The following CYP19A1 variants were observed in gnomAD, a reference collection of about 807,000 sequenced individuals.
The protein encoded by CYP19A1 is aromatase.
Under a neutral mutation model 44.4 loss-of-function variants are expected in CYP19A1, and 32 were observed. The observed-to-expected ratio is 0.72, with a 90% CI of 0.54 to 0.97. The LOEUF is 0.97. Ranked by LOEUF, CYP19A1 falls within the 50% of genes least tolerant of loss-of-function variation. The pLI is 0.00. For missense variants in CYP19A1, 598 were observed against 637.8 expected (o/e 0.94, Z 0.67); for synonymous variants, 212 against 215.6 (o/e 0.98, Z 0.14).
intron 1 of CYP19A1, among the ~76,000 whole-genome samples, chr15:51,245,783 C>T (rs966350699): frequency 2.0e-5 from 3 of 152,344 alleles, no homozygotes; most frequent in East Asian, 1.9e-4. Context: ...TTCATCTTCA[C>T]GACAAGCCTG....
In CYP19A1 at chr15:51,223,983, A is replaced by G. The variant is rs573297145; in HGVS notation, c.452-1458T>C. ...AATTTATGGGCAAAAATGTAATAAC[A>G]TGGCTTATAGGCAGTGGTATGATGT... On this transcript the variant is annotated intron_variant, in intron 4 of 9. Coordinates refer to ENST00000396402, the MANE Select transcript of CYP19A1 (RefSeq NM_000103.4). Among the ~76,000 whole-genome samples the G allele has an allele frequency of 7.2e-5, 11 of 151,964 alleles. No individual in the cohort carries two copies. In the South Asian group the frequency reaches 1.9e-3, roughly 26 times the overall value.
chr15:51,323,212 T>C, intron 1 of CYP19A1, among the ~76,000 whole-genome samples: 1 of 152,142 alleles, frequency 6.6e-6, no homozygotes, highest in East Asian at 1.9e-4. Flanking sequence ...TGGCCCACAA[T>C]TGCTCACCAT....
At chr15:51,222,087 C>A (rs2032135002) in intron 5 of CYP19A1, 1 of 606,968 alleles carries the variant, frequency 1.6e-6, no homozygotes, top group East Asian at 2.8e-5. Flanking sequence ...TGTTAAGTTT[C>A]AACTGTGGGT....
chr15:51,311,219 G>A (rs759525733), intron 1 of CYP19A1, among the ~76,000 whole-genome samples: 16 of 151,256 alleles, frequency 1.1e-4, no homozygotes, highest in Admixed American at 2.6e-4. Context: ...GTGACATAAA[G>A]GTGAATGCTC....
intron 1 of CYP19A1, among the ~76,000 whole-genome samples, chr15:51,275,726 T>C (rs968437196): frequency 6.6e-5 from 10 of 152,198 alleles, no homozygotes; most frequent in African/African-American, 2.2e-4. Context: ...AAGACTAAAT[T>C]ATCCCAAGTA....
chr15:51,307,441 G>C (rs1326153602), intron 1 of CYP19A1, among the ~76,000 whole-genome samples: 2 of 152,162 alleles, frequency 1.3e-5, no homozygotes, highest in Non-Finnish European at 2.9e-5. Context: ...TATAATTTTA[G>C]TGTGCTTACT....
chr15:51,246,482 T>C (rs2034060662), intron 1 of CYP19A1, among the ~76,000 whole-genome samples: 1 of 152,188 alleles, frequency 6.6e-6, no homozygotes, highest in Non-Finnish European at 1.5e-5. Flanking sequence ...CTGTGCTACG[T>C]GGAGCCTACT....
intron 1 of CYP19A1, among the ~76,000 whole-genome samples, chr15:51,246,689 C>T (rs926216924): frequency 2.6e-5 from 4 of 152,166 alleles, no homozygotes; most frequent in Admixed American, 6.5e-5. Flanking sequence ...ACAGCTATAG[C>T]CCTAACCCTA....
At chr15:51,297,651 G>C (rs1205478638) in intron 1 of CYP19A1, among the ~76,000 whole-genome samples, 1 of 151,892 alleles carries the variant, frequency 6.6e-6, no homozygotes, top group Non-Finnish European at 1.5e-5. Context: ...TCCCTCCCCT[G>C]TCTCCCTCCC....
At chr15:51,300,463 G>A (rs542803242) in intron 1 of CYP19A1, among the ~76,000 whole-genome samples, 1 of 152,226 alleles carries the variant, frequency 6.6e-6, no homozygotes, top group Admixed American at 6.5e-5. Context: ...AGATGATTGG[G>A]TGTGATAGAG....
intron 4 of CYP19A1, among the ~76,000 whole-genome samples, chr15:51,222,990 A>G (rs2032242288): frequency 6.6e-6 from 1 of 152,130 alleles, no homozygotes; most frequent in Admixed American, 6.6e-5. Flanking sequence ...ATTGGATCCT[A>G]TTTGATCTAA....
rs761906497 is a variant in CYP19A1, at chr15:51,227,866, G to A, written c.364C>T (p.Leu122=). 1 of 1,550,734 alleles carries A rather than the reference G, an allele frequency of 6.4e-7. No individual in the cohort carries two copies. The highest frequency in any genetic ancestry group is 1.7e-5 in the Admixed American group (1 of 59,944). ...YSSRFGSKLG[L]QCIGMHEKGI... Reference sequence around the variant, plus strand: ...TTCTCATGCATACCGATGCACTGCAGCCCAAGTTTGCTGCCGAATCGAGAG... The same window carrying A: ...TTCTCATGCATACCGATGCACTGCAACCCAAGTTTGCTGCCGAATCGAGAG... The change falls in exon 4 of 10, where the codon CTG becomes TTG. Residue 122 remains leucine (L), a synonymous_variant. Transcript: ENST00000396402.
intron 1 of CYP19A1, among the ~76,000 whole-genome samples, chr15:51,268,408 T>G (rs1030248830): frequency 1.4e-4 from 22 of 152,360 alleles, no homozygotes; most frequent in African/African-American, 5.3e-4. Context: ...AGTTTCATTC[T>G]TATTGTTCAT....
intron 1 of CYP19A1, among the ~76,000 whole-genome samples, chr15:51,269,845 C>T (rs1319388250): frequency 6.6e-6 from 1 of 152,214 alleles, no homozygotes; most frequent in Non-Finnish European, 1.5e-5. Flanking sequence ...TTCCAGACTA[C>T]ACTGGGGACT....
At chr15:51,278,349 C>T (rs555003632) in intron 1 of CYP19A1, among the ~76,000 whole-genome samples, 46 of 152,268 alleles carry the variant, frequency 3.0e-4, no homozygotes, top group South Asian at 2.3e-3. Context: ...TCTGTGCGTA[C>T]GCTCCTGTGA....
intron 1 of CYP19A1, among the ~76,000 whole-genome samples, chr15:51,287,640 C>T (rs897900769): frequency 6.6e-6 from 1 of 152,170 alleles, no homozygotes; most frequent in Non-Finnish European, 1.5e-5. Context: ...TCCATCCTAC[C>T]CTCAAATGCC....
intron 1 of CYP19A1, among the ~76,000 whole-genome samples, chr15:51,305,521 G>A (rs371864412): frequency 6.6e-6 from 1 of 152,018 alleles, no homozygotes. Flanking sequence ...CTGAGCAGAG[G>A]AGCCAGCTGG....
chr15:51,215,307 A>G, intron 7 of CYP19A1, 75 bp from the exon 8 acceptor site: 2 of 1,600,530 alleles, frequency 1.2e-6, no homozygotes, highest in Non-Finnish European at 8.5e-7. Flanking sequence ...GTGACACTCA[A>G]GGATCAACAA....
chr15:51,288,819 G>A (rs2035771970), intron 1 of CYP19A1, among the ~76,000 whole-genome samples: 1 of 152,150 alleles, frequency 6.6e-6, no homozygotes, highest in Non-Finnish European at 1.5e-5. Context: ...GGGGATGGCT[G>A]TGCCCTTTGC....
Sources: gnomAD v4.1 joint callset for allele counts (sites outside exome capture counted in the v4.1 genomes callset) on GRCh38, gnomAD v4.1.1 for gene constraint, MANE v1.5 for transcripts, NCBI Gene and HGNC (gene_info 2026-07-23, HGNC 2026-07-21) for gene names.